ADGRL2: variants seen among roughly 807,000 people sequenced by gnomAD.
The protein encoded by ADGRL2 is adhesion G protein-coupled receptor L2.
In ADGRL2, 44 loss-of-function variants were observed where a neutral mutation model predicts 157.4. The ratio of observed to expected loss-of-function variants is 0.28; its 90% CI spans 0.22 to 0.36. The LOEUF is 0.36. Among genes scored for constraint, ADGRL2 ranks in the 10% least tolerant of loss-of-function variants. The pLI is 1.00. For missense variants in ADGRL2, 1,510 were observed against 1,768.9 expected, an observed-to-expected ratio of 0.85 and a Z score of 2.63; for synonymous variants, 585 against 624.7, an observed-to-expected ratio of 0.94 and a Z score of 0.95.
chr1:81,612,436 A>G (rs1193522057), intron 3 of ADGRL2, among the ~76,000 whole-genome samples: 1 of 152,212 alleles, frequency 6.6e-6, no homozygotes, highest in Non-Finnish European at 1.5e-5. Flanking sequence ...GGTGCCGACA[A>G]AAGTATGAAG....
At chr1:81,607,325 G>A (rs149545233) in intron 3 of ADGRL2, among the ~76,000 whole-genome samples, 12 of 152,246 alleles carry the variant, frequency 7.9e-5, no homozygotes, top group Admixed American at 3.3e-4. Context: ...GGGACTTACC[G>A]GTGAATGAAA....
chr1:81,695,807 A>C (rs1374780286), upstream of ADGRL2, among the ~76,000 whole-genome samples: 1 of 149,338 alleles, frequency 6.7e-6, no homozygotes, highest in Non-Finnish European at 1.5e-5. Context: ...TGGGCAACAG[A>C]GTGAGACTCT....
intron 9 of ADGRL2, among the ~76,000 whole-genome samples, chr1:81,952,491 T>C (rs1380133772): frequency 6.6e-6 from 1 of 152,168 alleles, no homozygotes; most frequent in Non-Finnish European, 1.5e-5. Flanking sequence ...CATGGAACTC[T>C]TATAGTTGCA....
chr1:81,638,193 A>T (rs1469087552), intron 3 of ADGRL2, among the ~76,000 whole-genome samples: 2 of 152,190 alleles, frequency 1.3e-5, no homozygotes, highest in African/African-American at 4.8e-5. Context: ...CTGCAAAATT[A>T]TCCTTCAAAA....
At chr1:81,924,576 G>C (rs1208883160) in intron 3 of ADGRL2, among the ~76,000 whole-genome samples, 1 of 152,012 alleles carries the variant, frequency 6.6e-6, no homozygotes, top group Non-Finnish European at 1.5e-5. Flanking sequence ...TGTGGTGTTA[G>C]TAAGTCAATC....
chr1:81,693,256 T>C (rs2083378973), intron 3 of ADGRL2, among the ~76,000 whole-genome samples: 1 of 152,080 alleles, frequency 6.6e-6, no homozygotes, highest in African/African-American at 2.4e-5. Flanking sequence ...TACCTGCCAC[T>C]CTCCCGTCTC....
At chr1:81,780,656 T>C (rs2086774833) in intron 2 of ADGRL2, among the ~76,000 whole-genome samples, 1 of 152,214 alleles carries the variant, frequency 6.6e-6, no homozygotes, top group Non-Finnish European at 1.5e-5. Context: ...TATCTGCCCT[T>C]TCTACCTTAT....
At chr1:81,918,334 G>A (rs1235952545) in intron 3 of ADGRL2, among the ~76,000 whole-genome samples, 2 of 152,124 alleles carry the variant, frequency 1.3e-5, no homozygotes, top group African/African-American at 2.4e-5. Flanking sequence ...GAGAGATAAT[G>A]TTTGTAGTGT....
rs577292536 is a variant in ADGRL2 at position 81,340,215 on chromosome 1, A to G, written c.-302+33706A>G. 1.8e-4 allele frequency among the ~76,000 whole-genome samples: 28 copies of G among 152,350 alleles called. No homozygotes were observed. In the South Asian group the frequency reaches 5.6e-3, roughly 30 times the overall value. On this transcript the variant is annotated intron_variant, in intron 1 of 24. Coordinates refer to the ADGRL2 transcript ENST00000370721. Reference sequence around the variant, plus strand: ...AGTAATTTAAAGATAGCATAAACAAACAGTATGTTATCTCTACTTCAAATA... The same window carrying G: ...AGTAATTTAAAGATAGCATAAACAAGCAGTATGTTATCTCTACTTCAAATA...
intron 1 of ADGRL2, among the ~76,000 whole-genome samples, chr1:81,371,959 T>C (rs549120819): frequency 3.9e-4 from 60 of 152,214 alleles, no homozygotes; most frequent in African/African-American, 1.4e-3. Flanking sequence ...AAAACACAGG[T>C]CTGTTGTAGG....
chr1:81,968,481 A>G (rs1394549564), intron 14 of ADGRL2, among the ~76,000 whole-genome samples: 2 of 152,226 alleles, frequency 1.3e-5, no homozygotes, highest in Non-Finnish European at 2.9e-5. Flanking sequence ...GAGCAGCAAT[A>G]GGTCATACAA....
At chr1:81,825,588 G>A (rs1210939170) in intron 1 of ADGRL2, among the ~76,000 whole-genome samples, 2 of 138,204 alleles carry the variant, frequency 1.4e-5, no homozygotes, top group Non-Finnish European at 3.0e-5. Flanking sequence ...CTTGTGATCT[G>A]CCCATCTTGG....
At chr1:81,877,009 C>T (rs949055774) in intron 2 of ADGRL2, among the ~76,000 whole-genome samples, 1 of 152,122 alleles carries the variant, frequency 6.6e-6, no homozygotes, top group Non-Finnish European at 1.5e-5. Context: ...CTTAACCACT[C>T]CTGCCCAACC....
intron 3 of ADGRL2, among the ~76,000 whole-genome samples, chr1:81,915,424 A>G (rs569131689): frequency 3.2e-4 from 48 of 152,198 alleles, no homozygotes; most frequent in African/African-American, 1.1e-3. Context: ...GTTCTACTAG[A>G]TGTTGAAGAC....
At chr1:81,462,309 G>A (rs951183515) in intron 2 of ADGRL2, among the ~76,000 whole-genome samples, 2 of 152,210 alleles carry the variant, frequency 1.3e-5, no homozygotes, top group African/African-American at 4.8e-5. Flanking sequence ...CTGCTCTGCT[G>A]CCCTTCTATG....
chr1:81,840,911 C>T (rs1446992208), intron 2 of ADGRL2, among the ~76,000 whole-genome samples: 1 of 151,842 alleles, frequency 6.6e-6, no homozygotes. Flanking sequence ...TTCTTTTGGC[C>T]AGTTTTTATA....
intron 11 of ADGRL2, among the ~76,000 whole-genome samples, chr1:81,965,075 G>T (rs901628527): frequency 6.6e-6 from 1 of 152,116 alleles, no homozygotes; most frequent in African/African-American, 2.4e-5. Context: ...GTTAGCATTG[G>T]CATGTTGATC....
chr1:81,328,388 A>G (rs779779239), intron 1 of ADGRL2, among the ~76,000 whole-genome samples: 20 of 152,106 alleles, frequency 1.3e-4, no homozygotes, highest in Non-Finnish European at 2.5e-4. Context: ...GAATTGTGCT[A>G]CCCACTAAAA....
chr1:81,764,849 T>C (rs960671234), intron 2 of ADGRL2, among the ~76,000 whole-genome samples: 9 of 152,078 alleles, frequency 5.9e-5, no homozygotes, highest in Non-Finnish European at 1.3e-4. Context: ...AAATTGAATA[T>C]ACATAGCATA....
Sources: allele counts gnomAD v4.1 joint callset (sites outside exome capture counted in the v4.1 genomes callset), GRCh38; gene constraint gnomAD v4.1.1; transcripts MANE v1.5; gene names NCBI Gene and HGNC (gene_info 2026-07-23, HGNC 2026-07-21).